Variants in RARB observed in about 807,000 individuals in gnomAD.
The protein encoded by RARB is retinoic acid receptor beta, also known as HBV-activated protein.
RARB carries 17 observed loss-of-function variants against 51.9 expected under a neutral mutation model. The ratio of observed to expected loss-of-function variants is 0.33; its 90% confidence interval spans 0.22 to 0.49. The LOEUF is 0.49. Ranked by LOEUF, RARB falls within the 20% of genes least tolerant of loss-of-function variation. The pLI is 0.99. For synonymous variants in RARB, 215 were observed against 195.4 expected, an observed-to-expected ratio of 1.10 and a Z score of -0.84; for missense variants, 369 against 550.8, an observed-to-expected ratio of 0.67 and a Z score of 3.30.
chr3:25,414,894 T>G (rs559313686), intron 5 of RARB, among the ~76,000 whole-genome samples: 1 of 152,094 alleles, frequency 6.6e-6, no homozygotes, highest in Admixed American at 6.6e-5. Flanking sequence ...CAGGCTGGAG[T>G]GTAATGGTGT....
At chr3:25,052,753 C>T (rs570668821) in intron 2 of RARB, among the ~76,000 whole-genome samples, 1 of 152,260 alleles carries the variant, frequency 6.6e-6, no homozygotes, top group South Asian at 2.1e-4. Flanking sequence ...TATCCTAAAG[C>T]ATTCTTCCCT....
chr3:25,135,531 T>C (rs943191722), intron 4 of RARB, among the ~76,000 whole-genome samples: 10 of 152,076 alleles, frequency 6.6e-5, no homozygotes, highest in Admixed American at 2.6e-4. Flanking sequence ...TGCAAATGAT[T>C]TGTGGTAATG....
At chr3:25,088,162 G>A (rs1418401529) in intron 3 of RARB, among the ~76,000 whole-genome samples, 2 of 152,022 alleles carry the variant, frequency 1.3e-5, no homozygotes, top group Non-Finnish European at 2.9e-5. Context: ...ATTATTTGGT[G>A]AAACCTTGTT....
intron 1 of RARB, among the ~76,000 whole-genome samples, chr3:25,437,958 A>G (rs1173859018): frequency 6.6e-6 from 1 of 152,252 alleles, no homozygotes; most frequent in Non-Finnish European, 1.5e-5. Flanking sequence ...AAACCATCCC[A>G]AAACTTCCTG....
At chr3:25,333,210 C>T (rs1704958000) in intron 5 of RARB, among the ~76,000 whole-genome samples, 1 of 152,044 alleles carries the variant, frequency 6.6e-6, no homozygotes, top group African/African-American at 2.4e-5. Context: ...AAAGAGCCCG[C>T]ATTGCCAAGT....
At chr3:25,290,141 G>T (rs1419005893) in intron 5 of RARB, among the ~76,000 whole-genome samples, 1 of 152,116 alleles carries the variant, frequency 6.6e-6, no homozygotes, top group African/African-American at 2.4e-5. Flanking sequence ...GTGTGTTACA[G>T]GCTGTAATGT....
chr3:25,182,465 T>C (rs1700881646), intron 5 of RARB, among the ~76,000 whole-genome samples: 1 of 152,186 alleles, frequency 6.6e-6, no homozygotes, highest in African/African-American at 2.4e-5. Context: ...AGTACTTGCC[T>C]TCATTTCTTG....
In RARB at chr3:25,577,849, G is replaced by A. The variant is rs548675361; in HGVS notation, c.610-2697G>A. ...TCTGCTGCTTAAGATGGCCCTGGGG[G>A]GCCATGGGCGCGACCCTCCATATAT... On this transcript the variant is annotated intron_variant, in intron 4 of 7. Coordinates refer to ENST00000330688, the MANE Select transcript of RARB (RefSeq NM_000965.5). Among the ~76,000 whole-genome samples, 5 of 143,086 alleles carry A rather than the reference G, an allele frequency of 3.5e-5. No individual in the cohort carries two copies. The South Asian group carries it at 1.1e-3, about 32-fold the overall frequency. The allele number at this position is 143,086 out of a possible 152,430, so 93.9% of individuals were successfully genotyped here. A position where few individuals can be genotyped will look rare whatever the true frequency, so the allele number is the denominator to read the frequency against.
At chr3:24,995,504 G>A (rs188383968) in intron 2 of RARB, among the ~76,000 whole-genome samples, 1 of 152,158 alleles carries the variant, frequency 6.6e-6, no homozygotes, top group Admixed American at 6.5e-5. Flanking sequence ...CCCGTACTGT[G>A]TAGAATAAAA....
chr3:25,557,909 A>T (rs371940116), intron 3 of RARB, among the ~76,000 whole-genome samples: 171 of 152,274 alleles, frequency 1.1e-3, no homozygotes, highest in African/African-American at 3.7e-3. Context: ...TAGGTCTGCA[A>T]ACTGGCTCTC....
chr3:25,351,981 T>A (rs950464192), intron 5 of RARB, among the ~76,000 whole-genome samples: 6 of 152,226 alleles, frequency 3.9e-5, no homozygotes, highest in African/African-American at 4.8e-5. Context: ...ATATCAAATG[T>A]GTTTTAAGTC....
chr3:25,089,073 A>AT (rs1280691056), intron 3 of RARB, among the ~76,000 whole-genome samples: 2 of 151,930 alleles, frequency 1.3e-5, no homozygotes, highest in Non-Finnish European at 2.9e-5. Context: ...GGGTGCAGAG[A>AT]TTGATACTAA....
At chr3:25,454,660 C>T (rs1453019155) in intron 1 of RARB, among the ~76,000 whole-genome samples, 1 of 151,526 alleles carries the variant, frequency 6.6e-6, no homozygotes, top group African/African-American at 2.4e-5. Context: ...ATCGTTTTAG[C>T]CAGCCGTAAA....
At chr3:25,334,759 A>C (rs549932706) in intron 5 of RARB, among the ~76,000 whole-genome samples, 5 of 152,346 alleles carry the variant, frequency 3.3e-5, no homozygotes, top group Non-Finnish European at 4.4e-5. Context: ...GGAAGGAAAA[A>C]AATGAGAGTT....
At chr3:24,895,608 A>G (rs1703461440) in intron 2 of RARB, among the ~76,000 whole-genome samples, 1 of 109,776 alleles carries the variant, frequency 9.1e-6, no homozygotes, top group Non-Finnish European at 1.8e-5. Context: ...GCTCCTTACA[A>G]TTGGGTCTTT....
chr3:25,088,416 G>A (rs897455584), intron 3 of RARB, among the ~76,000 whole-genome samples: 4 of 152,140 alleles, frequency 2.6e-5, no homozygotes, highest in Admixed American at 2.6e-4. Flanking sequence ...TCTTTGTTCA[G>A]GCTGAAAACT....
chr3:24,902,141 C>T (rs369023732), intron 2 of RARB, among the ~76,000 whole-genome samples: 1 of 152,096 alleles, frequency 6.6e-6, no homozygotes, highest in East Asian at 1.9e-4. Context: ...TTTAAAGATT[C>T]AGGAAGGTTA....
At chr3:25,242,727 G>A (rs1317329085) in intron 5 of RARB, among the ~76,000 whole-genome samples, 1 of 152,126 alleles carries the variant, frequency 6.6e-6, no homozygotes, top group East Asian at 1.9e-4. Flanking sequence ...AATATAGTTT[G>A]AAGTGAAGTA....
chr3:25,034,918 C>T (rs1697952635), intron 2 of RARB, among the ~76,000 whole-genome samples: 2 of 152,182 alleles, frequency 1.3e-5, no homozygotes, highest in Non-Finnish European at 2.9e-5. Context: ...GCTCACTTTA[C>T]ACAAAGTGCT....
Sources: allele counts gnomAD v4.1 joint callset (sites outside exome capture counted in the v4.1 genomes callset), GRCh38; gene constraint gnomAD v4.1.1; transcripts MANE v1.5; gene names NCBI Gene and HGNC (gene_info 2026-07-23, HGNC 2026-07-21).